The following RBFOX1 variants were observed in gnomAD, a reference collection of about 807,000 sequenced individuals.
RBFOX1 encodes RNA binding protein fox-1 homolog 1.
A neutral mutation model predicts 57.7 loss-of-function variants in RBFOX1; 8 were observed. That is an observed-to-expected ratio of 0.14 (90% confidence interval 0.08 to 0.25). RBFOX1 has a LOEUF of 0.25. RBFOX1 is among the 10% of genes least tolerant of loss of function. RBFOX1 has a pLI of 1.00. For missense variants in RBFOX1, 611 were observed against 548.5 expected (o/e 1.11, Z -1.14); for synonymous variants, 326 against 222.4 (o/e 1.47, Z -4.15).
intron 4 of RBFOX1, among the ~76,000 whole-genome samples, chr16:7,182,628 A>G (rs1265077029): frequency 3.3e-5 from 5 of 152,234 alleles, no homozygotes; most frequent in African/African-American, 1.2e-4. Context: ...TAGCTTTAAA[A>G]TATTCCATAG....
chr16:7,515,643 A>G (rs1567615696), intron 4 of RBFOX1, among the ~76,000 whole-genome samples: 1 of 152,228 alleles, frequency 6.6e-6, no homozygotes, highest in Admixed American at 6.5e-5. Flanking sequence ...TAAAGCTGTT[A>G]AAATATGGGA....
At chr16:7,410,792 C>A (rs909150753) in intron 4 of RBFOX1, among the ~76,000 whole-genome samples, 22 of 151,798 alleles carry the variant, frequency 1.4e-4, no homozygotes, top group Non-Finnish European at 1.6e-4. Flanking sequence ...CACAGAGGGG[C>A]CTGCATTTTC....
At chr16:6,658,948 T>G (rs533344255) in intron 3 of RBFOX1, among the ~76,000 whole-genome samples, 34 of 151,432 alleles carry the variant, frequency 2.2e-4, no homozygotes, top group Non-Finnish European at 3.8e-4. Context: ...TTTTTTTGTT[T>G]TTTTTTTTCC....
chr16:6,133,254 G>T (rs1241797100), intron 1 of RBFOX1, among the ~76,000 whole-genome samples: 1 of 152,134 alleles, frequency 6.6e-6, no homozygotes, highest in Non-Finnish European at 1.5e-5. Context: ...TTGCTCCACT[G>T]CCCTGCAGAG....
At chr16:5,916,428 G>C (rs1234715878) in intron 4 of RBFOX1, among the ~76,000 whole-genome samples, 2 of 151,956 alleles carry the variant, frequency 1.3e-5, no homozygotes, top group African/African-American at 4.8e-5. Flanking sequence ...TTGCTCATAA[G>C]AATCTCAGAG....
At chr16:6,280,677 A>G (rs2076280882) in intron 1 of RBFOX1, among the ~76,000 whole-genome samples, 1 of 152,092 alleles carries the variant, frequency 6.6e-6, no homozygotes, top group African/African-American at 2.4e-5. Flanking sequence ...TAGGGAAATT[A>G]TATAACCAAA....
chr16:6,771,006 C>G (rs8061616), intron 3 of RBFOX1, among the ~76,000 whole-genome samples: 19,606 of 152,092 alleles, frequency 0.13, 2,798 homozygotes, highest in African/African-American at 0.35. Context: ...GAATGTGAGT[C>G]TGTTTGGAGA....
At chr16:6,034,120 A>G (rs1848786182) in intron 1 of RBFOX1, among the ~76,000 whole-genome samples, 2 of 151,940 alleles carry the variant, frequency 1.3e-5, no homozygotes, top group African/African-American at 4.8e-5. Flanking sequence ...GGATCACCTG[A>G]GGTCGGGAGT....
At chr16:6,515,394 A>C (rs2096355743) in intron 2 of RBFOX1, among the ~76,000 whole-genome samples, 1 of 152,176 alleles carries the variant, frequency 6.6e-6, no homozygotes, top group Non-Finnish European at 1.5e-5. Context: ...CGTAAAACCA[A>C]ACATATGAGC....
intron 4 of RBFOX1, among the ~76,000 whole-genome samples, chr16:7,275,426 A>T (rs2095421773): frequency 6.6e-6 from 1 of 152,242 alleles, no homozygotes; most frequent in Non-Finnish European, 1.5e-5. Flanking sequence ...ATCAGCAATG[A>T]TGATTCTCCA....
At chr16:6,511,007 TA>T (rs1416791657) in intron 2 of RBFOX1, among the ~76,000 whole-genome samples, 1 of 152,212 alleles carries the variant, frequency 6.6e-6, no homozygotes, top group Non-Finnish European at 1.5e-5. Context: ...CACGAGCTGT[TA>T]AATGATGAGT....
intron 5 of RBFOX1, among the ~76,000 whole-genome samples, chr16:7,568,648 G>T (rs1032441372): frequency 6.6e-6 from 1 of 152,016 alleles, no homozygotes; most frequent in Non-Finnish European, 1.5e-5. Flanking sequence ...CACTGTGGGA[G>T]GCCGAGGCAG....
intron 4 of RBFOX1, among the ~76,000 whole-genome samples, chr16:7,072,717 A>C (rs116739735): frequency 1.3e-5 from 2 of 152,326 alleles, no homozygotes; most frequent in South Asian, 2.1e-4. Flanking sequence ...TACTGGACAA[A>C]ATATATGAAG....
intron 3 of RBFOX1, among the ~76,000 whole-genome samples, chr16:7,020,484 G>A (rs1276259242): frequency 2.0e-5 from 3 of 152,148 alleles, no homozygotes; most frequent in Non-Finnish European, 2.9e-5. Flanking sequence ...CTCCCAAAGT[G>A]CTGGGATTTC....
At chr16:6,196,194 G>A (rs1434022982) in intron 1 of RBFOX1, among the ~76,000 whole-genome samples, 2 of 152,164 alleles carry the variant, frequency 1.3e-5, no homozygotes, top group Non-Finnish European at 2.9e-5. Flanking sequence ...GCCTCAAAGA[G>A]TTAATTCAGC....
intron 1 of RBFOX1, among the ~76,000 whole-genome samples, chr16:5,309,449 A>G (rs528643026): frequency 6.6e-6 from 1 of 152,244 alleles, no homozygotes; most frequent in Non-Finnish European, 1.5e-5. Flanking sequence ...AAGTTTACCT[A>G]GAGGTTCATA....
rs1328455738 is a variant in RBFOX1 at position 6,888,049 on chromosome 16, T to G, written c.-15-164008T>G. 2.0e-5 allele frequency among the ~76,000 whole-genome samples: 3 copies of G among 152,228 alleles called. No individual in the cohort carries two copies. In the South Asian group the frequency reaches 6.2e-4, roughly 32 times the overall value. On this transcript the variant is annotated intron_variant, in intron 3 of 15. Coordinates refer to ENST00000550418, the MANE Select transcript of RBFOX1 (RefSeq NM_018723.4). ...TTGAGGTGTTTGCTTGTGTGTCTGA[T>G]TTGGGGAAGACGTTCCCAGGTAATT...
At chr16:5,419,266 G>A (rs1033076594) in intron 1 of RBFOX1, among the ~76,000 whole-genome samples, 5 of 152,162 alleles carry the variant, frequency 3.3e-5, no homozygotes, top group African/African-American at 1.2e-4. Context: ...GGCCATAGTA[G>A]GCCGTCTACA....
At chr16:5,627,006 GATCTAA>G (rs1555486807) in intron 3 of RBFOX1, among the ~76,000 whole-genome samples, 3 of 152,110 alleles carry the variant, frequency 2.0e-5, no homozygotes, top group Non-Finnish European at 4.4e-5. Flanking sequence ...AGGAAATAAT[GATCTAA>G]CTCACTTTTT....
Sources: gnomAD v4.1 joint callset for allele counts (sites outside exome capture counted in the v4.1 genomes callset) on GRCh38, gnomAD v4.1.1 for gene constraint, MANE v1.5 for transcripts, NCBI Gene and HGNC (gene_info 2026-07-23, HGNC 2026-07-21) for gene names.